The following LASP1 variants were observed in gnomAD, a reference collection of about 807,000 sequenced individuals.
LASP1 encodes LIM and SH3 domain protein 1.
In LASP1, 10 loss-of-function variants were observed where a neutral mutation model predicts 38.6. The ratio of observed to expected loss-of-function variants is 0.26; its 90% CI spans 0.16 to 0.44. LASP1 has a LOEUF of 0.44. Among genes scored for constraint, LASP1 ranks in the 20% least tolerant of loss-of-function variants. LASP1 has a pLI of 1.00. For missense variants in LASP1, 243 were observed against 375.7 expected (o/e 0.65, Z 2.92); for synonymous variants, 132 against 140.8 (o/e 0.94, Z 0.44).
chr17:38,892,887 C>T (rs1438554891), intron 3 of LASP1, among the ~76,000 whole-genome samples: 1 of 151,956 alleles, frequency 6.6e-6, no homozygotes, highest in African/African-American at 2.4e-5. Context: ...CCGGGGGGGC[C>T]TCTTGGGAGA....
chr17:38,899,363 A>G (rs150386076), intron 4 of LASP1, among the ~76,000 whole-genome samples: 218 of 152,234 alleles, frequency 1.4e-3, no homozygotes, highest in Non-Finnish European at 2.6e-3. Context: ...TGAGCTGCCC[A>G]TTGTTGCTCT....
chr17:38,896,007 C>T (rs540657875), intron 3 of LASP1, among the ~76,000 whole-genome samples: 4 of 152,286 alleles, frequency 2.6e-5, no homozygotes, highest in Non-Finnish European at 4.4e-5. Flanking sequence ...CTGGCCTGAG[C>T]GACAACTGGG....
intron 4 of LASP1, 116 bp from the exon 5 acceptor site, chr17:38,914,209 C>A: frequency 7.9e-7 from 1 of 1,268,294 alleles, no homozygotes; most frequent in South Asian, 1.4e-5. Context: ...CGAGACCTGG[C>A]TTTCTGTACC....
At chr17:38,884,687 CTT>C (rs1202417090) in intron 2 of LASP1, among the ~76,000 whole-genome samples, 2 of 102,914 alleles carry the variant, frequency 1.9e-5, no homozygotes, top group Non-Finnish European at 1.9e-5. Flanking sequence ...CCACGTCCGG[CTT>C]TTTTTTTTTT....
rs1555553217 is a variant in LASP1 at position 38,875,089 on chromosome 17, G to GTGTGT, written c.70-2997_70-2996insTGTGT. Among the ~76,000 whole-genome samples the GTGTGT allele has an allele frequency of 8.7e-4, 97 of 111,534 alleles. 1 individual carries two copies. The highest frequency in any genetic ancestry group is 4.9e-3 in the South Asian group (21 of 4,300). 73.2% of individuals were successfully genotyped at this position (111,534 alleles called of 152,430 possible). The stretch of plus-strand genomic sequence containing the variant: ...TGTGTGTGTGTGTGTGTGTGTGTGT[G>GTGTGT]AGAAAGTGGGTCATGGTCTGGATTC... On this transcript the variant is annotated intron_variant, in intron 1 of 6. Transcript: ENST00000318008.
At chr17:38,914,925 G>A in intron 5 of LASP1, 118 bp from the exon 6 acceptor site, 1 of 878,956 alleles carries the variant, frequency 1.1e-6, no homozygotes, top group Non-Finnish European at 1.9e-6. Flanking sequence ...TTTGAGCTGT[G>A]GGGCTTGAGC....
At chr17:38,871,062 A>C (rs1396450488) in intron 1 of LASP1, among the ~76,000 whole-genome samples, 1 of 151,522 alleles carries the variant, frequency 6.6e-6, no homozygotes, top group East Asian at 1.9e-4. Flanking sequence ...TGGAAGAACA[A>C]AGAGCTAACT....
chr17:38,900,500 C>T, intron 4 of LASP1, among the ~76,000 whole-genome samples: 1 of 151,972 alleles, frequency 6.6e-6, no homozygotes, highest in South Asian at 2.1e-4. Context: ...TGGTGAAACC[C>T]CATCTCTACT....
intron 3 of LASP1, among the ~76,000 whole-genome samples, chr17:38,891,785 TA>T (rs1158364068): frequency 6.6e-6 from 1 of 152,208 alleles, no homozygotes. Context: ...GATAGTTCCT[TA>T]TGCTGTTGAG....
In LASP1 at chr17:38,920,828, G is replaced by A. The variant is rs1915278868; in HGVS notation, c.*2050G>A. On this transcript the variant is annotated 3_prime_UTR_variant, in exon 7 of 7. Transcript: ENST00000318008. ...GAATCTCTTGGGAGTCTTGGGTGGCGCTGGTGCATTCTGTTTCCTCTTGAT... is the reference window on the plus strand; with the variant it reads ...GAATCTCTTGGGAGTCTTGGGTGGCACTGGTGCATTCTGTTTCCTCTTGAT... The A allele has an allele frequency of 1.3e-5, 3 of 232,508 alleles. No individual in the cohort carries two copies. Among genetic ancestry groups the A allele is most frequent in the African/African-American group, 2.2e-5 (1 of 45,244 alleles). 14.4% of individuals were successfully genotyped at this position (232,508 alleles called of 1,614,324 possible). A position where few individuals can be genotyped will look rare whatever the true frequency, so the allele number is the denominator to read the frequency against.
intron 4 of LASP1, among the ~76,000 whole-genome samples, chr17:38,903,046 G>A (rs1328435356): frequency 6.6e-6 from 1 of 152,184 alleles, no homozygotes; most frequent in Non-Finnish European, 1.5e-5. Context: ...ACAAAAGAAT[G>A]AGGATATGCT....
intron 6 of LASP1, chr17:38,916,031 T>C (rs1335188568): frequency 6.6e-6 from 1 of 152,256 alleles, no homozygotes; most frequent in Non-Finnish European, 1.5e-5. Flanking sequence ...AGAGTTAGTC[T>C]GAAGTATAAG....
intron 3 of LASP1, among the ~76,000 whole-genome samples, chr17:38,896,256 G>T (rs747925118): frequency 3.9e-5 from 6 of 152,080 alleles, no homozygotes; most frequent in Non-Finnish European, 8.8e-5. Flanking sequence ...GGGTCTGAAG[G>T]TGCTTTAAAA....
At position 38,918,508 on chromosome 17, in the gene LASP1, C is replaced by A; in HGVS notation, c.613-97C>A. On this transcript the variant is annotated intron_variant, in intron 6 of 6. Transcript: ENST00000318008. The surrounding 1 kb of genome is among the most constrained non-coding windows in gnomAD (Gnocchi z 4.4). ...TCCATTTCTGAGTTCACTGCTCCCC[C>A]AGGCTCTGCTCCAGGGTCGTGGAGA... 1 of 1,241,600 alleles carries A rather than the reference C, an allele frequency of 8.1e-7. No individual in the cohort carries two copies. The highest frequency in any genetic ancestry group is 1.1e-6 in the Non-Finnish European group (1 of 891,722). The allele number at this position is 1,241,600 out of a possible 1,614,324, so 76.9% of individuals were successfully genotyped here. A position where few individuals can be genotyped will look rare whatever the true frequency, so the allele number is the denominator to read the frequency against.
At position 38,915,111 on chromosome 17, in the gene LASP1, G is replaced by A. The variant is rs1915080738; in HGVS notation, c.577G>A (p.Val193Ile). The A allele has an allele frequency of 6.2e-7, 1 of 1,613,978 alleles. No individual in the cohort carries two copies. The highest frequency in any genetic ancestry group is 1.3e-5 in the African/African-American group (1 of 75,024). Residue 193 changes from valine (V) to isoleucine (I), a missense_variant, in exon 6 of 7, where the codon GTC (valine) becomes ATC (isoleucine). Transcript: ENST00000318008. Reference protein sequence around the residue: ...YGGYKEPAAPVSIQRSAPGGG... With the variant: ...YGGYKEPAAPISIQRSAPGGG... ...TGGCTACAAGGAGCCTGCAGCCCCA[G>A]TCTCCATACAGCGCAGCGCCCCAGG...
intron 2 of LASP1, among the ~76,000 whole-genome samples, chr17:38,883,873 A>G (rs1034322933): frequency 2.0e-5 from 3 of 146,974 alleles, no homozygotes; most frequent in African/African-American, 7.6e-5. Context: ...GTTGCTTCCT[A>G]TCGCCACCAC....
At chr17:38,909,484 A>G (rs226224) in intron 4 of LASP1, among the ~76,000 whole-genome samples, 115,274 of 151,846 alleles carry the variant, frequency 0.76, 44,351 homozygotes, top group African/African-American at 0.85. Context: ...GCAGTTGCCT[A>G]TAATCCCAGC....
intron 3 of LASP1, 91 bp from the exon 4 acceptor site, chr17:38,898,321 C>T (rs1221736752): frequency 5.4e-6 from 4 of 734,878 alleles, no homozygotes; most frequent in South Asian, 3.6e-5. Context: ...CTGTCCCTGT[C>T]TCCTGACTGG....
intron 2 of LASP1, among the ~76,000 whole-genome samples, chr17:38,889,747 C>T (rs1914250518): frequency 6.6e-6 from 1 of 152,208 alleles, no homozygotes; most frequent in Non-Finnish European, 1.5e-5. Context: ...TGAAACACGT[C>T]TGGTCCTGAG....
Sources: allele counts gnomAD v4.1 joint callset (sites outside exome capture counted in the v4.1 genomes callset), GRCh38; gene constraint gnomAD v4.1.1; non-coding constraint Gnocchi (gnomAD v3.1); transcripts MANE v1.5; gene names NCBI Gene and HGNC (gene_info 2026-07-23, HGNC 2026-07-21).